Variants in EXOC6 observed in about 807,000 individuals in gnomAD.
The protein encoded by EXOC6 is SEC15-like 1.
EXOC6 carries 60 observed loss-of-function variants against 112.5 expected under a neutral mutation model. That is an observed-to-expected ratio of 0.53 (90% CI 0.43 to 0.66). EXOC6 has a LOEUF of 0.66. EXOC6 is among the 30% of genes least tolerant of loss of function. The pLI is 0.00. For missense variants in EXOC6, 855 were observed against 957.1 expected, an observed-to-expected ratio of 0.89 and a Z score of 1.41; for synonymous variants, 295 against 308.0, an observed-to-expected ratio of 0.96 and a Z score of 0.44.
At chr10:92,828,730 ATTTT>A (rs71028852) in intron 1 of EXOC6, among the ~76,000 whole-genome samples, 2 of 110,104 alleles carry the variant, frequency 1.8e-5, no homozygotes, top group Admixed American at 2.0e-4. Context: ...GTGTGTGTGT[ATTTT>A]TTTTTTTTTT....
intron 7 of EXOC6, among the ~76,000 whole-genome samples, chr10:92,917,967 A>G (rs1344108579): frequency 6.6e-6 from 1 of 152,188 alleles, no homozygotes; most frequent in Admixed American, 6.5e-5. Context: ...CCTGGCCAAC[A>G]TGGCGAAACC....
At chr10:92,862,795 C>T (rs189367089) in intron 1 of EXOC6, among the ~76,000 whole-genome samples, 2 of 152,338 alleles carry the variant, frequency 1.3e-5, no homozygotes, top group East Asian at 3.9e-4. Flanking sequence ...ACATTTGTTT[C>T]TACCTTTTGG....
chr10:93,030,383 T>A (rs750038747), intron 20 of EXOC6, among the ~76,000 whole-genome samples: 1 of 152,198 alleles, frequency 6.6e-6, no homozygotes, highest in Non-Finnish European at 1.5e-5. Flanking sequence ...TGGTAAATTT[T>A]CAAAAATAAT....
In EXOC6 at chr10:92,997,474, G is replaced by C; in HGVS notation, c.1954G>C (p.Gly652Arg). Residue 652 changes from glycine to arginine, a missense_variant and splice_region_variant, in exon 19 of 22, where the codon GGG becomes CGG. Physicochemically the swap from Gly to Arg is moderately radical, Grantham distance 125. Transcript: ENST00000260762. The stretch of plus-strand genomic sequence containing the variant: ...TTTTTGGTTTGATTGTTTTAAACAG[G>C]GGAAAGTTGCTCAGACAGCTTGCAT... ...SIFQVFTHLP[G>R]KVAQTACMSA... 6.2e-7 allele frequency: 1 copy of C among 1,605,986 alleles called. No homozygotes were observed. Among genetic ancestry groups the C allele is most frequent in the East Asian group, 2.2e-5 (1 of 44,694 alleles).
chr10:92,910,414 G>A (rs1850677219), intron 6 of EXOC6, among the ~76,000 whole-genome samples: 1 of 152,144 alleles, frequency 6.6e-6, no homozygotes, highest in Admixed American at 6.5e-5. Flanking sequence ...TCATTCGAAA[G>A]CAGGTAGACT....
At chr10:93,010,576 G>A in intron 19 of EXOC6, among the ~76,000 whole-genome samples, 1 of 151,882 alleles carries the variant, frequency 6.6e-6, no homozygotes, top group Non-Finnish European at 1.5e-5. Context: ...GCATACGTCT[G>A]TAATCCCAGC....
At chr10:92,852,169 T>A (rs1326747030) in intron 1 of EXOC6, among the ~76,000 whole-genome samples, 1 of 152,204 alleles carries the variant, frequency 6.6e-6, no homozygotes, top group Non-Finnish European at 1.5e-5. Context: ...TTATCAAAGT[T>A]CACTTAAGAA....
chr10:92,975,918 T>TA (rs1842565647), intron 18 of EXOC6, among the ~76,000 whole-genome samples: 1 of 100,598 alleles, frequency 9.9e-6, no homozygotes, highest in Non-Finnish European at 2.1e-5. Context: ...GGGAGGGAGG[T>TA]GGGGGGGTCA....
chr10:92,968,724 T>A (rs1842167902), intron 17 of EXOC6, among the ~76,000 whole-genome samples: 1 of 152,144 alleles, frequency 6.6e-6, no homozygotes, highest in Non-Finnish European at 1.5e-5. Flanking sequence ...CCAATTACTG[T>A]TAGGTACTTT....
chr10:92,858,022 T>TTCCCCCC (rs1554882161), intron 1 of EXOC6, among the ~76,000 whole-genome samples: 1 of 101,270 alleles, frequency 9.9e-6, no homozygotes, highest in Non-Finnish European at 2.0e-5. Context: ...GTTGACGGGT[T>TTCCCCCC]CCCCCCCTCC....
intron 5 of EXOC6, among the ~76,000 whole-genome samples, chr10:92,903,411 A>G (rs967735932): frequency 6.6e-6 from 1 of 151,780 alleles, no homozygotes; most frequent in Non-Finnish European, 1.5e-5. Context: ...TCAGAGGTAG[A>G]AAAATCATGG....
At chr10:92,904,722 G>C (rs1267826630) in intron 5 of EXOC6, among the ~76,000 whole-genome samples, 1 of 151,950 alleles carries the variant, frequency 6.6e-6, no homozygotes, top group African/African-American at 2.4e-5. Flanking sequence ...TTTTCTCCCA[G>C]TCTGTGGCTT....
At chr10:92,849,946 T>C (rs1847243697) in intron 1 of EXOC6, among the ~76,000 whole-genome samples, 1 of 152,154 alleles carries the variant, frequency 6.6e-6, no homozygotes, top group Admixed American at 6.5e-5. Flanking sequence ...GTTATAAATT[T>C]TTGTCACATA....
At chr10:93,010,701 A>T (rs1433778913) in intron 19 of EXOC6, among the ~76,000 whole-genome samples, 1 of 58,280 alleles carries the variant, frequency 1.7e-5, no homozygotes, top group Non-Finnish European at 3.2e-5. Flanking sequence ...TCCATCTCTT[A>T]AAAAAAAAAA....
chr10:92,847,837 T>A (rs1373216275), upstream of EXOC6, among the ~76,000 whole-genome samples: 1 of 46,370 alleles, frequency 2.2e-5, no homozygotes, highest in East Asian at 3.6e-4. Flanking sequence ...CCCTGGGCCT[T>A]TTTTTTTTTT....
intron 1 of EXOC6, among the ~76,000 whole-genome samples, chr10:92,851,523 G>T (rs1234010454): frequency 2.0e-5 from 3 of 151,988 alleles, no homozygotes; most frequent in African/African-American, 7.3e-5. Context: ...GGTAGCACAC[G>T]CTTGTAATCC....
chr10:92,873,449 A>T (rs1387716083), intron 1 of EXOC6, among the ~76,000 whole-genome samples: 1 of 152,086 alleles, frequency 6.6e-6, no homozygotes, highest in Non-Finnish European at 1.5e-5. Flanking sequence ...AAAATTCAAC[A>T]TCAGAAATAT....
intron 9 of EXOC6, among the ~76,000 whole-genome samples, chr10:92,931,860 C>T (rs779079263): frequency 1.3e-5 from 2 of 152,044 alleles, no homozygotes; most frequent in Non-Finnish European, 1.5e-5. Context: ...TATACTGCCA[C>T]TTTGGAAAAT....
At chr10:92,902,287 G>A (rs931006237) in intron 5 of EXOC6, among the ~76,000 whole-genome samples, 1 of 151,926 alleles carries the variant, frequency 6.6e-6, no homozygotes, top group African/African-American at 2.4e-5. Flanking sequence ...TAAGCATTAG[G>A]AAGTTTTTTT....
Sources: gnomAD v4.1 joint callset for allele counts (sites outside exome capture counted in the v4.1 genomes callset) on GRCh38, gnomAD v4.1.1 for gene constraint, MANE v1.5 for transcripts, NCBI Gene and HGNC (gene_info 2026-07-23, HGNC 2026-07-21) for gene names.